PCDHA4: variants seen among roughly 807,000 people sequenced by gnomAD.
PCDHA4 encodes protocadherin alpha-4.
In PCDHA4, 49 loss-of-function variants were observed where a neutral mutation model predicts 61.4. The ratio of observed to expected loss-of-function variants is 0.80; its 90% confidence interval spans 0.63 to 1.01. The LOEUF (loss-of-function observed/expected upper bound fraction) is 1.01. Ranked by LOEUF, PCDHA4 falls within the 50% of genes least tolerant of loss-of-function variation. PCDHA4 has a pLI of 0.00. For synonymous variants in PCDHA4, 590 were observed against 550.3 expected (o/e 1.07, Z -1.01); for missense variants, 1,254 against 1,235.8 (o/e 1.01, Z -0.22).
At position 140,857,548 on chromosome 5, in the gene PCDHA4, G is replaced by A. The variant is rs782667639; in HGVS notation, c.2385+47976G>A. On this transcript the variant is annotated intron_variant, in intron 1 of 3. Transcript: ENST00000530339. ...CTCTGGTGGAGCGGCGGTTGGGCGA[G>A]CGCTCGCTGTCGAGCTACGTGTCGG... The A allele has an allele frequency of 5.6e-6, 9 of 1,596,888 alleles. No individual in the cohort carries two copies. In the East Asian group the frequency reaches 1.8e-4, roughly 32 times the overall value.
At chr5:140,933,036 A>G (rs545196190) in intron 1 of PCDHA4, among the ~76,000 whole-genome samples, 5 of 152,154 alleles carry the variant, frequency 3.3e-5, no homozygotes, top group South Asian at 4.1e-4. Context: ...CTTCAAGTGA[A>G]TATGGATTAC....
chr5:140,924,766 G>A (rs543178519), intron 1 of PCDHA4, among the ~76,000 whole-genome samples: 1 of 151,878 alleles, frequency 6.6e-6, no homozygotes, highest in East Asian at 1.9e-4. Context: ...ATGGTGGTGC[G>A]CGCTTGTAGT....
At position 140,883,606 on chromosome 5, in the gene PCDHA4, C is replaced by G; in HGVS notation, c.2385+74034C>G. 3 of 1,613,944 alleles carry G rather than the reference C, an allele frequency of 1.9e-6. No homozygotes were observed. In the African/African-American group the frequency reaches 4.0e-5, roughly 22 times the overall value. On this transcript the variant is annotated intron_variant, in intron 1 of 3. Coordinates refer to ENST00000530339, the MANE Select transcript of PCDHA4 (RefSeq NM_018907.4). ...CGGCCAGCGTGTCGGTGGGGGTGGC[C>G]GACGTGAACGACAACGCGCCGGCGT...
At chr5:140,811,828 C>T (rs1554125821) in intron 1 of PCDHA4, 1 of 152,138 alleles carries the variant, frequency 6.6e-6, no homozygotes, top group East Asian at 1.9e-4. Context: ...ATATCCTTTG[C>T]CCACTTTTTG....
chr5:140,879,097 G>T (rs2057851255), intron 1 of PCDHA4, among the ~76,000 whole-genome samples: 1 of 152,214 alleles, frequency 6.6e-6, no homozygotes, highest in Non-Finnish European at 1.5e-5. Flanking sequence ...CAACTGCACA[G>T]TATATGGTGT....
In PCDHA4 at chr5:140,809,512, T is replaced by G; in HGVS notation, c.2325T>G (p.Ser775Arg). The G allele has an allele frequency of 6.2e-7, 1 of 1,614,186 alleles. No homozygotes were observed. Among genetic ancestry groups the G allele is most frequent in the Non-Finnish European group, 8.5e-7 (1 of 1,180,018 alleles). The change falls in exon 1 of 4, where the codon AGT (serine) becomes AGG (arginine). Residue 775 changes from serine to arginine, a missense_variant. By Grantham distance (110) the Ser-to-Arg change is moderately radical (BLOSUM62 -1). Transcript: ENST00000530339. The part of the protein sequence containing the change: ...PKTDLMAFSP[S>R]LPDSRDREDQ... ...CCGACCTCATGGCCTTCAGCCCCAG[T>G]TTACCTGACTCTAGGGACAGAGAAG...
At chr5:141,009,169 C>T (rs782079623) in intron 3 of PCDHA4, among the ~76,000 whole-genome samples, 13 of 152,186 alleles carry the variant, frequency 8.5e-5, no homozygotes, top group Non-Finnish European at 1.3e-4. Flanking sequence ...TAAATACTGG[C>T]CTTGGCTGGG....
chr5:140,923,333 T>C lies in PCDHA4; in HGVS notation c.2386-55616T>C, dbSNP rs180734722. Among the ~76,000 whole-genome samples the C allele has an allele frequency of 8.0e-3, 1,225 of 152,228 alleles. 6 individuals are homozygous for C. The highest frequency in any genetic ancestry group is 0.019 in the African/African-American group (792 of 41,544). On this transcript the variant is annotated intron_variant, in intron 1 of 3. Coordinates refer to ENST00000530339, the MANE Select transcript of PCDHA4 (RefSeq NM_018907.4). ...CTTGGCCTAGAAGTTCAAGGACAGT[T>C]TGGGCAACATAGTGGGACCCTATCT...
chr5:140,836,455 C>G, intron 1 of PCDHA4: 1 of 1,613,840 alleles, frequency 6.2e-7, no homozygotes, highest in Non-Finnish European at 8.5e-7. Flanking sequence ...GGCCCAGAGA[C>G]CGAGCTGGTG....
chr5:140,915,262 T>G (rs539637990), intron 1 of PCDHA4, among the ~76,000 whole-genome samples: 1 of 152,290 alleles, frequency 6.6e-6, no homozygotes, highest in Admixed American at 6.5e-5. Context: ...GTTATTATTT[T>G]TGACCAGTTC....
At chr5:140,822,284 G>A (rs2150115215) in intron 1 of PCDHA4, 1 of 1,614,234 alleles carries the variant, frequency 6.2e-7, no homozygotes, top group South Asian at 1.1e-5. Context: ...TTGAGATACA[G>A]GTTAAATCCA....
intron 1 of PCDHA4, among the ~76,000 whole-genome samples, chr5:140,974,769 T>C (rs1487371754): frequency 6.6e-6 from 1 of 152,238 alleles, no homozygotes; most frequent in Non-Finnish European, 1.5e-5. Context: ...ATTACAGGTA[T>C]GAGCCACTGC....
At chr5:140,860,269 T>C (rs1278960733) in intron 1 of PCDHA4, 1 of 151,996 alleles carries the variant, frequency 6.6e-6, no homozygotes, top group South Asian at 2.1e-4. Flanking sequence ...ACTGTAGTGC[T>C]ACTTGGGAGG....
chr5:140,837,516 C>CA (rs149634951), intron 1 of PCDHA4, among the ~76,000 whole-genome samples: 2,511 of 151,672 alleles, frequency 0.017, 104 homozygotes, highest in African/African-American at 0.056. Flanking sequence ...AAGCAGTTTA[C>CA]TTTTTTTGTA....
chr5:140,823,100 T>C (rs1183844615), intron 1 of PCDHA4: 3 of 1,613,902 alleles, frequency 1.9e-6, no homozygotes, highest in African/African-American at 1.3e-5. Context: ...AGCGTGTCTG[T>C]GGAAGTGGCC....
At chr5:140,847,990 T>C (rs1781276116) in intron 1 of PCDHA4, 1 of 156,442 alleles carries the variant, frequency 6.4e-6, no homozygotes, top group South Asian at 1.8e-4. Flanking sequence ...AGATTCTGAA[T>C]TCCAGAACAA....
At chr5:140,883,333 G>T (rs1554177722) in intron 1 of PCDHA4, 1 of 1,614,066 alleles carries the variant, frequency 6.2e-7, no homozygotes, top group Non-Finnish European at 8.5e-7. Flanking sequence ...TCACTTCTTT[G>T]TCACTCCCCA....
intron 1 of PCDHA4, chr5:140,836,819 CT>C: frequency 9.0e-7 from 1 of 1,113,456 alleles, no homozygotes; most frequent in Non-Finnish European, 1.3e-6. Context: ...TTCATAATTT[CT>C]TTTTTAGTTG....
In PCDHA4 at chr5:141,009,724, T is replaced by A. The variant is rs1554262325; in HGVS notation, c.2631T>A (p.Gly877=). The change falls in exon 4 of 4, where the codon GGT becomes GGA. Residue 877 remains glycine (G), a synonymous_variant. Transcript: ENST00000530339. ...KYGPGNPKQS[G]PGELPDKFII... is the part of the protein sequence containing the mutation. ...GACCAGGCAACCCCAAACAATCCGG[T>A]CCCGGTGAGTTGCCCGACAAATTCA... 6.2e-7 allele frequency: 1 copy of A among 1,614,116 alleles called. No individual in the cohort carries two copies. The highest frequency in any genetic ancestry group is 2.2e-5 in the East Asian group (1 of 44,868).
Sources: gnomAD v4.1 joint callset for allele counts (sites outside exome capture counted in the v4.1 genomes callset) on GRCh38, gnomAD v4.1.1 for gene constraint, MANE v1.5 for transcripts, NCBI Gene and HGNC (gene_info 2026-07-23, HGNC 2026-07-21) for gene names.